Variants in PAQR3 observed in about 807,000 individuals in gnomAD.
PAQR3 encodes the protein progestin and adipoQ receptor family member 3.
A neutral mutation model predicts 41.7 loss-of-function variants in PAQR3; 39 were observed. The ratio of observed to expected loss-of-function variants is 0.93; its 90% confidence interval spans 0.72 to 1.22. The LOEUF (loss-of-function observed/expected upper bound fraction) is 1.22. Among genes scored for constraint, PAQR3 ranks in the 50% most tolerant of loss-of-function variants. PAQR3 has a pLI of 0.00. For synonymous variants in PAQR3, 140 were observed against 140.6 expected (o/e 1.00, Z 0.03); for missense variants, 366 against 385.6 (o/e 0.95, Z 0.42).
intron 5 of PAQR3, among the ~76,000 whole-genome samples, chr4:78,921,436 C>G (rs1735646641): frequency 6.6e-6 from 1 of 151,766 alleles, no homozygotes; most frequent in Non-Finnish European, 1.5e-5. Context: ...TCTCTTTTTT[C>G]TTACCAATCA....
At position 78,925,772 on chromosome 4, in the gene PAQR3, G is replaced by A. The variant is rs117453752; in HGVS notation, c.702+749C>T. Among the ~76,000 whole-genome samples, 25 of 152,140 alleles carry A rather than the reference G, an allele frequency of 1.6e-4. No individual in the cohort carries two copies. The East Asian group carries it at 4.4e-3, about 27-fold the overall frequency. ...ATTTACTTGTATTAAAAATTCTCAA[G>A]TTTACTCTCTAGTGCATATGTACAG... On this transcript the variant is annotated intron_variant, in intron 4 of 5. Coordinates refer to ENST00000512733, the MANE Select transcript of PAQR3 (RefSeq NM_001040202.2).
chr4:78,912,074 A>G lies in PAQR3; in HGVS notation c.*8465T>C, dbSNP rs1406395804. The G allele has an allele frequency of 2.0e-6, 3 of 1,519,914 alleles. No homozygotes were observed. Among genetic ancestry groups the G allele is most frequent in the Non-Finnish European group, 2.7e-6 (3 of 1,124,334 alleles). The allele number at this position is 1,519,914 out of a possible 1,614,324, so 94.2% of individuals were successfully genotyped here. A position where few individuals can be genotyped will look rare whatever the true frequency, so the allele number is the denominator to read the frequency against. On this transcript the variant is annotated 3_prime_UTR_variant, in exon 6 of 6. Transcript: ENST00000512733. Reference sequence around the variant, plus strand: ...TCTCGGCATTAACTCCTGTTTCAAAAAAGTGTGAACAGTTTTATGAATTTG... The same window carrying G: ...TCTCGGCATTAACTCCTGTTTCAAAGAAGTGTGAACAGTTTTATGAATTTG...
chr4:78,901,230 A>G (rs947915067), intron 11 of PAQR3, among the ~76,000 whole-genome samples: 1 of 142,104 alleles, frequency 7.0e-6, no homozygotes, highest in Non-Finnish European at 1.5e-5. Context: ...TTATTTTATT[A>G]TTTTTTTTTT....
At position 78,926,698 on chromosome 4, in the gene PAQR3, C is replaced by G; in HGVS notation, c.525G>C (p.Leu175Phe). Residue 175 changes from leucine to phenylalanine, a missense_variant, in exon 4 of 6, where the codon TTG (leucine) becomes TTC (phenylalanine). Coordinates refer to ENST00000512733, the MANE Select transcript of PAQR3 (RefSeq NM_001040202.2). ...CCAGGATCATAGCAAGCACTGTGAT[C>G]AAGTACACCTGACGCCAGTACTAGA... Reference protein sequence around the residue: ...YCNNYWRQVYLITVLAMILAV... With the variant: ...YCNNYWRQVYFITVLAMILAV... 1 of 1,613,896 alleles carries G rather than the reference C, an allele frequency of 6.2e-7. No homozygotes were observed. Among genetic ancestry groups the G allele is most frequent in the Non-Finnish European group, 8.5e-7 (1 of 1,179,846 alleles).
chr4:78,923,186 C>T (rs2110138380), intron 5 of PAQR3, among the ~76,000 whole-genome samples: 1 of 150,024 alleles, frequency 6.7e-6, no homozygotes, highest in East Asian at 2.0e-4. Flanking sequence ...TTTCTGGAAA[C>T]ATAAAGACTC....
chr4:78,910,419 G>C (rs1364511017), downstream of PAQR3, among the ~76,000 whole-genome samples: 1 of 152,184 alleles, frequency 6.6e-6, no homozygotes. Context: ...TCTACATTAA[G>C]ACTTAACTAT....
intron 4 of PAQR3, among the ~76,000 whole-genome samples, chr4:78,926,027 G>A (rs751816718): frequency 3.9e-5 from 6 of 152,094 alleles, no homozygotes; most frequent in Non-Finnish European, 8.8e-5. Flanking sequence ...TTTATTGCCA[G>A]TCTCAAACTC....
chr4:78,925,797 GC>G (rs1246959221), intron 4 of PAQR3, among the ~76,000 whole-genome samples: 1 of 152,122 alleles, frequency 6.6e-6, no homozygotes, highest in Admixed American at 6.6e-5. Flanking sequence ...CATATGTACA[GC>G]ATTTTTGTAA....
chr4:78,918,254 T>C lies in PAQR3; in HGVS notation c.*2285A>G. 2 of 932,124 alleles carry C rather than the reference T, an allele frequency of 2.1e-6. No individual in the cohort carries two copies. Among genetic ancestry groups the C allele is most frequent in the Non-Finnish European group, 2.6e-6 (2 of 782,074 alleles). 57.7% of individuals were successfully genotyped at this position (932,124 alleles called of 1,614,324 possible). A position where few individuals can be genotyped will look rare whatever the true frequency, so the allele number is the denominator to read the frequency against. Reference sequence around the variant, plus strand: ...TATATTTTAATCTTACTTTAATCTATAAAAACAAAAATAACTTAAATATAC... The same window carrying C: ...TATATTTTAATCTTACTTTAATCTACAAAAACAAAAATAACTTAAATATAC... On this transcript the variant is annotated 3_prime_UTR_variant, in exon 6 of 6. Transcript: ENST00000512733.
downstream of PAQR3, chr4:78,910,660 A>G: frequency 1.3e-6 from 2 of 1,569,456 alleles, no homozygotes; most frequent in Non-Finnish European, 1.7e-6. Flanking sequence ...AGAAAATGGC[A>G]CTGCAAACCC....
intron 2 of PAQR3, among the ~76,000 whole-genome samples, chr4:78,930,880 TTATATA>T (rs147412098): frequency 0.77 from 115,818 of 150,324 alleles, 44,639 homozygotes; most frequent in Non-Finnish European, 0.8. Context: ...CATGCACACA[TTATATA>T]TATATATATA....
At chr4:78,895,058 AAAGAT>A (rs372428859) in intron 11 of PAQR3, among the ~76,000 whole-genome samples, 3 of 152,222 alleles carry the variant, frequency 2.0e-5, no homozygotes, top group Non-Finnish European at 4.4e-5. Flanking sequence ...TAGTAACATC[AAAGAT>A]CACTGATCAC....
rs1192835440 is a variant in PAQR3 at position 78,930,316 on chromosome 4, G to A, written c.358C>T (p.Leu120Phe). The change falls in exon 3 of 6, where the codon CTT becomes TTT. Residue 120 changes from leucine (L) to phenylalanine (F), a missense_variant. Leu to Phe is a conservative substitution (Grantham distance 22). Coordinates refer to ENST00000512733, the MANE Select transcript of PAQR3 (RefSeq NM_001040202.2). ...AAAAGATGATAGCCCACAGAGCAAAGCATACAGACCTGTGAAAAATAAAAA... is the reference window on the plus strand; with the variant it reads ...AAAAGATGATAGCCCACAGAGCAAAACATACAGACCTGTGAAAAATAAAAA... ...ICLFCFQVCMLCSVGYHLFSC... is the reference protein window; with the variant it reads ...ICLFCFQVCMFCSVGYHLFSC... 6.2e-7 allele frequency: 1 copy of A among 1,611,406 alleles called. No individual in the cohort carries two copies.
intron 11 of PAQR3, among the ~76,000 whole-genome samples, chr4:78,900,861 T>C (rs1235798755): frequency 1.3e-5 from 2 of 152,264 alleles, no homozygotes; most frequent in Non-Finnish European, 2.9e-5. Context: ...GCAAATGTTA[T>C]GTTTTATTCC....
intron 11 of PAQR3, among the ~76,000 whole-genome samples, chr4:78,904,254 C>T (rs1435382841): frequency 6.6e-6 from 1 of 151,838 alleles, no homozygotes; most frequent in Non-Finnish European, 1.5e-5. Context: ...TAAGAAAGAT[C>T]ATAGTAAACC....
chr4:78,921,751 T>C, intron 5 of PAQR3: 1 of 984,234 alleles, frequency 1.0e-6, no homozygotes, highest in Non-Finnish European at 1.2e-6. Flanking sequence ...AGTGGCCAGG[T>C]CATACATGAG....
At chr4:78,899,625 CAGG>C (rs1018738534) in intron 11 of PAQR3, among the ~76,000 whole-genome samples, 31 of 149,806 alleles carry the variant, frequency 2.1e-4, no homozygotes, top group Non-Finnish European at 2.4e-4. Flanking sequence ...ACCATAGAAA[CAGG>C]AGAAGTACAG....
In PAQR3 at chr4:78,918,734, G is replaced by A. The variant is rs1735350707; in HGVS notation, c.*1805C>T. Reference sequence around the variant, plus strand: ...TTTGAGAAAGTTTTATAATAAAAATGGCTCCACACCTAAAATAATGATTTT... The same window carrying A: ...TTTGAGAAAGTTTTATAATAAAAATAGCTCCACACCTAAAATAATGATTTT... On this transcript the variant is annotated 3_prime_UTR_variant, in exon 6 of 6. Coordinates refer to ENST00000512733, the MANE Select transcript of PAQR3 (RefSeq NM_001040202.2). 3 of 974,196 alleles carry A rather than the reference G, an allele frequency of 3.1e-6. No individual in the cohort carries two copies. Among genetic ancestry groups the A allele is most frequent in the South Asian group, 9.5e-5 (2 of 21,070 alleles). The allele number at this position is 974,196 out of a possible 1,614,324, so 60.3% of individuals were successfully genotyped here.
intron 2 of PAQR3, among the ~76,000 whole-genome samples, chr4:78,933,629 T>C (rs1446915490): frequency 1.3e-5 from 2 of 152,198 alleles, no homozygotes; most frequent in South Asian, 2.1e-4. Flanking sequence ...ACAGCATGTA[T>C]TGTAACAATG....
Sources: gnomAD v4.1 joint callset for allele counts (sites outside exome capture counted in the v4.1 genomes callset) on GRCh38, gnomAD v4.1.1 for gene constraint, MANE v1.5 for transcripts, NCBI Gene and HGNC (gene_info 2026-07-23, HGNC 2026-07-21) for gene names.